PRKG1: variants seen among roughly 807,000 people sequenced by gnomAD.
PRKG1 encodes the protein protein kinase cGMP-dependent 1.
A neutral mutation model predicts 88.1 loss-of-function variants in PRKG1; 35 were observed. The ratio of observed to expected loss-of-function variants is 0.40; its 90% confidence interval spans 0.30 to 0.53. The LOEUF (loss-of-function observed/expected upper bound fraction) is 0.53. PRKG1 is among the 20% of genes least tolerant of loss of function. The pLI is 0.59. For synonymous variants in PRKG1, 303 were observed against 292.5 expected (o/e 1.04, Z -0.37); for missense variants, 540 against 839.8 (o/e 0.64, Z 4.41).
chr10:51,123,319 C>CT (rs199983590), intron 1 of PRKG1, among the ~76,000 whole-genome samples: 1 of 147,586 alleles, frequency 6.8e-6, no homozygotes, highest in African/African-American at 2.5e-5. Context: ...AAAAATCAGC[C>CT]CAAAAAAGGC....
rs146994840 is a variant in PRKG1, at chr10:52,255,593, T to C, written c.1173+3927T>C. 1.7e-3 allele frequency among the ~76,000 whole-genome samples: 257 copies of C among 152,128 alleles called. 1 individual carries two copies. The highest frequency in any genetic ancestry group is 5.9e-3 in the African/African-American group (243 of 41,532). ...TGTATATATGTAGTGAGCTCTATGA[T>C]TGAAGATAAAAAATTTAATAAATAG... On this transcript the variant is annotated intron_variant, in intron 10 of 17. Coordinates refer to ENST00000373980, the MANE Select transcript of PRKG1 (RefSeq NM_006258.4).
At chr10:51,955,787 A>G (rs1329487504) in intron 5 of PRKG1, among the ~76,000 whole-genome samples, 1 of 152,120 alleles carries the variant, frequency 6.6e-6, no homozygotes, top group Non-Finnish European at 1.5e-5. Flanking sequence ...CCAGAATGTT[A>G]ATGTTTTAAA....
chr10:51,630,052 A>G (rs1321008221), intron 3 of PRKG1, among the ~76,000 whole-genome samples: 1 of 152,180 alleles, frequency 6.6e-6, no homozygotes. Flanking sequence ...AGCAGGTTGA[A>G]AACGTCACAC....
chr10:51,327,180 C>T (rs1023797655), intron 2 of PRKG1, among the ~76,000 whole-genome samples: 2 of 151,924 alleles, frequency 1.3e-5, no homozygotes, highest in Admixed American at 6.6e-5. Flanking sequence ...TTTGGGAGGT[C>T]GAGGTGGGTG....
At chr10:52,197,710 C>A (rs1429865676) in intron 9 of PRKG1, among the ~76,000 whole-genome samples, 1 of 152,208 alleles carries the variant, frequency 6.6e-6, no homozygotes, top group East Asian at 1.9e-4. Context: ...CCAAGTCCAG[C>A]TCCTTCATTC....
At chr10:51,302,666 G>T (rs929026984) in intron 2 of PRKG1, 1 of 151,864 alleles carries the variant, frequency 6.6e-6, no homozygotes, top group Non-Finnish European at 1.5e-5. Context: ...AAGCTTCCAG[G>T]CTACAAGAGA....
At chr10:52,164,118 AG>A (rs1209833936) in intron 9 of PRKG1, among the ~76,000 whole-genome samples, 1 of 152,126 alleles carries the variant, frequency 6.6e-6, no homozygotes, top group Non-Finnish European at 1.5e-5. Flanking sequence ...TGGGAGGTCA[AG>A]GGGGGAAGAT....
intron 3 of PRKG1, among the ~76,000 whole-genome samples, chr10:51,519,172 T>C (rs1475142096): frequency 6.6e-6 from 1 of 152,176 alleles, no homozygotes; most frequent in African/African-American, 2.4e-5. Context: ...ATATGTGGCA[T>C]TTTTTCTAAA....
In PRKG1 at chr10:51,926,231, G is replaced by A. The variant is rs771460873; in HGVS notation, c.762+18661G>A. Among the ~76,000 whole-genome samples, 5 of 152,136 alleles carry A rather than the reference G, an allele frequency of 3.3e-5. 1 individual carries two copies. The highest frequency in any genetic ancestry group is 1.3e-4 in the Admixed American group (2 of 15,256). ...TGACATTGGCATGAAGAACAAACTC[G>A]AGCTGAACGCTAGGCCAGATAACCT... On this transcript the variant is annotated intron_variant, in intron 5 of 17. Transcript: ENST00000373980.
At chr10:51,707,597 T>C (rs1589221072) in intron 3 of PRKG1, among the ~76,000 whole-genome samples, 3 of 152,026 alleles carry the variant, frequency 2.0e-5, no homozygotes, top group Non-Finnish European at 2.9e-5. Context: ...ATCTTTTTTT[T>C]TTTTCCTGTG....
rs139097302 is a variant in PRKG1 at position 51,207,499 on chromosome 10, A to G, written c.478+54169A>G. On this transcript the variant is annotated intron_variant, in intron 2 of 17. Transcript: ENST00000373980. ...TGGTTACCTCGCTGGTGCCTGCCTT[A>G]TTATTATTTTTTTTTAATTCTCTCG... Among the ~76,000 whole-genome samples the G allele has an allele frequency of 1.8e-3, 267 of 151,696 alleles. 1 individual carries two copies. The highest frequency in any genetic ancestry group is 6.1e-3 in the African/African-American group (253 of 41,376).
At chr10:52,106,465 T>C (rs1214955809) in intron 7 of PRKG1, among the ~76,000 whole-genome samples, 1 of 152,018 alleles carries the variant, frequency 6.6e-6, no homozygotes, top group Non-Finnish European at 1.5e-5. Flanking sequence ...CAGTAACTTA[T>C]GTATATTAAA....
intron 9 of PRKG1, among the ~76,000 whole-genome samples, chr10:52,210,872 G>T (rs1176819211): frequency 6.6e-6 from 1 of 152,158 alleles, no homozygotes. Flanking sequence ...TGCATAAGCT[G>T]TCATTTAAAA....
intron 9 of PRKG1, among the ~76,000 whole-genome samples, chr10:52,208,269 G>A (rs2132794812): frequency 6.6e-6 from 1 of 152,228 alleles, no homozygotes; most frequent in Non-Finnish European, 1.5e-5. Flanking sequence ...AAGACAAAAA[G>A]GAAAACAATC....
intron 7 of PRKG1, among the ~76,000 whole-genome samples, chr10:52,071,675 G>A: frequency 8.4e-6 from 1 of 119,572 alleles, no homozygotes; most frequent in African/African-American, 3.1e-5. Context: ...TGGGGGTGGG[G>A]GTGGGGTTTT....
chr10:51,880,967 A>G (rs1250445187), intron 4 of PRKG1, among the ~76,000 whole-genome samples: 1 of 152,056 alleles, frequency 6.6e-6, no homozygotes, highest in African/African-American at 2.4e-5. Flanking sequence ...AAAGTGCTCT[A>G]AAGAAAAAAT....
chr10:51,198,201 T>C (rs1214451166), intron 2 of PRKG1, among the ~76,000 whole-genome samples: 2 of 152,170 alleles, frequency 1.3e-5, no homozygotes, highest in African/African-American at 4.8e-5. Flanking sequence ...GGATGTGAGC[T>C]TCTTGGCTTT....
intron 1 of PRKG1, among the ~76,000 whole-genome samples, chr10:51,061,479 A>G (rs1843692075): frequency 6.6e-6 from 1 of 152,186 alleles, no homozygotes; most frequent in Non-Finnish European, 1.5e-5. Flanking sequence ...CTAGTCATTT[A>G]CAGTGCCTCT....
chr10:51,106,177 T>C (rs1844828101), intron 1 of PRKG1, among the ~76,000 whole-genome samples: 2 of 152,224 alleles, frequency 1.3e-5, no homozygotes, highest in Admixed American at 6.5e-5. Flanking sequence ...TGCCTCAGTT[T>C]CCTTAATGTA....
Sources: gnomAD v4.1 joint callset for allele counts (sites outside exome capture counted in the v4.1 genomes callset) on GRCh38, gnomAD v4.1.1 for gene constraint, MANE v1.5 for transcripts, NCBI Gene and HGNC (gene_info 2026-07-23, HGNC 2026-07-21) for gene names.